Variants in PCDHA13 observed in about 807,000 individuals in gnomAD.
The protein encoded by PCDHA13 is protocadherin alpha 13, also known as protocadherin alpha-13.
A neutral mutation model predicts 64.8 loss-of-function variants in PCDHA13; 54 were observed. The ratio of observed to expected loss-of-function variants is 0.83; its 90% confidence interval spans 0.67 to 1.04. The LOEUF (loss-of-function observed/expected upper bound fraction) is 1.04. Among genes scored for constraint, PCDHA13 ranks in the 50% least tolerant of loss-of-function variants. The pLI is 0.00. For missense variants in PCDHA13, 1,248 were observed against 1,254.3 expected (o/e 0.99, Z 0.08); for synonymous variants, 587 against 564.4 (o/e 1.04, Z -0.57).
chr5:140,925,106 G>GAA (rs1554202543), intron 1 of PCDHA13, among the ~76,000 whole-genome samples: 1 of 151,098 alleles, frequency 6.6e-6, no homozygotes, highest in African/African-American at 2.4e-5. Flanking sequence ...AGGAAGGAAG[G>GAA]AGGGAAGGAA....
intron 3 of PCDHA13, among the ~76,000 whole-genome samples, chr5:140,983,631 C>T (rs1336337529): frequency 2.0e-5 from 3 of 152,134 alleles, no homozygotes; most frequent in African/African-American, 7.2e-5. Context: ...AAGAAATGTA[C>T]CCAAGTTCAC....
At chr5:140,972,344 C>T (rs1379310170) in intron 1 of PCDHA13, among the ~76,000 whole-genome samples, 26 of 151,148 alleles carry the variant, frequency 1.7e-4, no homozygotes, top group African/African-American at 6.3e-4. Context: ...AGATGGGGGT[C>T]TCACTATGTT....
chr5:140,982,985 A>C (rs2097019022), intron 3 of PCDHA13, among the ~76,000 whole-genome samples: 1 of 152,162 alleles, frequency 6.6e-6, no homozygotes, highest in Non-Finnish European at 1.5e-5. Flanking sequence ...AAAGAAAGAG[A>C]AAAAGAAGGA....
At chr5:140,998,112 T>A (rs1554256165) in intron 3 of PCDHA13, among the ~76,000 whole-genome samples, 2 of 152,152 alleles carry the variant, frequency 1.3e-5, no homozygotes, top group Non-Finnish European at 2.9e-5. Context: ...AGGAGAAAAT[T>A]TACTTGTGAA....
Position 140,884,497 on chromosome 5 carries a change from C to T in PCDHA13, c.2229C>T (p.Ser743=). 1 of 1,614,042 alleles carries T rather than the reference C, an allele frequency of 6.2e-7. No individual in the cohort carries two copies. Among genetic ancestry groups the T allele is most frequent in the Non-Finnish European group, 8.5e-7 (1 of 1,179,976 alleles). The change falls in exon 1 of 4, where the codon AGC becomes AGT. Residue 743 remains serine (S), a synonymous_variant. Coordinates refer to ENST00000289272, the MANE Select transcript of PCDHA13 (RefSeq NM_018904.3). Reference sequence around the variant, plus strand: ...GCAAGCCCACTCTAGTGTGCTCCAGCGCGGCAGGGAGTTGGTCGTACTCGC... The same window carrying T: ...GCAAGCCCACTCTAGTGTGCTCCAGTGCGGCAGGGAGTTGGTCGTACTCGC... ...APGKPTLVCS[S]AAGSWSYSQQ...
At chr5:140,889,415 G>A (rs192243576) in intron 1 of PCDHA13, among the ~76,000 whole-genome samples, 212 of 152,058 alleles carry the variant, frequency 1.4e-3, no homozygotes, top group African/African-American at 5.0e-3. Flanking sequence ...AGTCAGTTAC[G>A]TAGATAATAT....
chr5:141,009,562 C>T, intron 3 of PCDHA13, 65 bp from the exon 4 acceptor site: 7 of 1,571,344 alleles, frequency 4.5e-6, no homozygotes, highest in Non-Finnish European at 6.0e-6. Flanking sequence ...CTGTACTCTA[C>T]CAGCAGTGTG....
intron 1 of PCDHA13, chr5:140,966,987 C>T (rs782372991): frequency 6.2e-7 from 1 of 1,604,132 alleles, no homozygotes; most frequent in South Asian, 1.1e-5. Context: ...CGCTTGGGGC[C>T]GGGTTGCTTG....
At chr5:140,933,527 A>G (rs1324786303) in intron 1 of PCDHA13, among the ~76,000 whole-genome samples, 1 of 152,060 alleles carries the variant, frequency 6.6e-6, no homozygotes, top group African/African-American at 2.4e-5. Flanking sequence ...TTTTGTTTAA[A>G]CTCAAAATAA....
chr5:140,952,913 A>G (rs1013502361), intron 1 of PCDHA13, among the ~76,000 whole-genome samples: 6 of 152,092 alleles, frequency 3.9e-5, no homozygotes, highest in African/African-American at 1.4e-4. Flanking sequence ...CTCATCTTAC[A>G]TGGCATGAGC....
chr5:140,882,811 C>T lies in PCDHA13; in HGVS notation c.543C>T (p.Asp181=). 1.2e-6 allele frequency: 2 copies of T among 1,614,192 alleles called. No individual in the cohort carries two copies. Among genetic ancestry groups the T allele is most frequent in the Non-Finnish European group, 8.5e-7 (1 of 1,180,042 alleles). ...RLDPNDYFTL[D]AQNSLEQMSS... ...ATCCCAACGATTATTTCACTTTGGA[C>T]GCACAAAACAGTCTTGAGCAAATGT... Residue 181 remains aspartate (D), a synonymous_variant, in exon 1 of 4, where the codon GAC becomes GAT. Transcript: ENST00000289272.
chr5:140,900,309 C>T (rs1183008231), intron 1 of PCDHA13, among the ~76,000 whole-genome samples: 1 of 151,686 alleles, frequency 6.6e-6, no homozygotes, highest in Non-Finnish European at 1.5e-5. Context: ...GACAGTCTCA[C>T]TTTTGTCGCC....
At chr5:140,996,968 C>G (rs1290343779) in intron 3 of PCDHA13, among the ~76,000 whole-genome samples, 1 of 152,132 alleles carries the variant, frequency 6.6e-6, no homozygotes, top group Non-Finnish European at 1.5e-5. Context: ...CAATCCCACT[C>G]CCCTTTGGTG....
intron 3 of PCDHA13, among the ~76,000 whole-genome samples, chr5:141,005,814 A>T (rs947359019): frequency 6.7e-6 from 1 of 149,766 alleles, no homozygotes; most frequent in Non-Finnish European, 1.5e-5. Flanking sequence ...GGAGCCAGGT[A>T]TGGTGGCCTG....
At chr5:140,911,818 A>T (rs1472874528) in intron 1 of PCDHA13, among the ~76,000 whole-genome samples, 2 of 152,210 alleles carry the variant, frequency 1.3e-5, no homozygotes, top group African/African-American at 2.4e-5. Flanking sequence ...CCTTCTCCAG[A>T]AACCCCAAAA....
chr5:140,930,231 A>G (rs1234850185), intron 1 of PCDHA13: 3 of 152,238 alleles, frequency 2.0e-5, no homozygotes, highest in Non-Finnish European at 4.4e-5. Context: ...TGCACTTACC[A>G]TCCAAAGTCC....
intron 1 of PCDHA13, among the ~76,000 whole-genome samples, chr5:140,978,595 G>A (rs2096811492): frequency 6.6e-6 from 1 of 152,214 alleles, no homozygotes; most frequent in African/African-American, 2.4e-5. Flanking sequence ...CCTTAATGGG[G>A]CACTTGAGGG....
At position 141,009,867 on chromosome 5, in the gene PCDHA13, A is replaced by C. The variant is rs374660085; in HGVS notation, c.2783A>C (p.Lys928Thr). 4.3e-6 allele frequency: 7 copies of C among 1,613,976 alleles called. No individual in the cohort carries two copies. The African/African-American group carries it at 9.3e-5, about 22-fold the overall frequency. ...GAGGAGACCAAGAAAAAGAAGAAAA[A>C]GAAGAAGGGTAACAAGACCCAGGAG... Reference protein sequence around the residue: ...KKEETKKKKKKKKGNKTQEKK... With the variant: ...KKEETKKKKKTKKGNKTQEKK... Residue 928 changes from lysine (K) to threonine (T), a missense_variant, in exon 4 of 4, where the codon AAG becomes ACG. Coordinates refer to ENST00000289272, the MANE Select transcript of PCDHA13 (RefSeq NM_018904.3).
intron 2 of PCDHA13, among the ~76,000 whole-genome samples, chr5:140,979,831 A>G (rs1401761792): frequency 5.3e-5 from 8 of 152,236 alleles, no homozygotes; most frequent in African/African-American, 1.9e-4. Context: ...TTAAAGAAGA[A>G]ATAATCTTCA....
Sources: gnomAD v4.1 joint callset for allele counts (sites outside exome capture counted in the v4.1 genomes callset) on GRCh38, gnomAD v4.1.1 for gene constraint, MANE v1.5 for transcripts, NCBI Gene and HGNC (gene_info 2026-07-23, HGNC 2026-07-21) for gene names.